SCAPER: variants seen among roughly 807,000 people sequenced by gnomAD.
The protein encoded by SCAPER is S phase cyclin A-associated protein in the endoplasmic reticulum.
SCAPER carries 98 observed loss-of-function variants against 182.2 expected under a neutral mutation model. That is an observed-to-expected ratio of 0.54 (90% CI 0.46 to 0.64). SCAPER has a LOEUF of 0.64. Among genes scored for constraint, SCAPER ranks in the 30% least tolerant of loss-of-function variants. SCAPER has a pLI of 0.00. For synonymous variants in SCAPER, 605 were observed against 564.6 expected (o/e 1.07, Z -1.01); for missense variants, 1,432 against 1,690.0 (o/e 0.85, Z 2.68).
At chr15:76,586,349 A>G (rs148656884) in intron 22 of SCAPER, among the ~76,000 whole-genome samples, 6 of 152,282 alleles carry the variant, frequency 3.9e-5, no homozygotes, top group Non-Finnish European at 8.8e-5. Flanking sequence ...CTAAATTTAG[A>G]GCTATTTTGA....
intron 27 of SCAPER, among the ~76,000 whole-genome samples, chr15:76,388,240 A>G (rs559390350): frequency 6.6e-6 from 1 of 152,222 alleles, no homozygotes; most frequent in Admixed American, 6.5e-5. Context: ...AGAAGTATTT[A>G]TTTATGACCC....
At chr15:76,856,982 G>A (rs917208496) in intron 4 of SCAPER, among the ~76,000 whole-genome samples, 1 of 152,138 alleles carries the variant, frequency 6.6e-6, no homozygotes, top group Non-Finnish European at 1.5e-5. Flanking sequence ...GGCTTGTGTT[G>A]TCCAAAATTT....
intron 17 of SCAPER, 124 bp downstream of exon 17, chr15:76,728,471 T>A: frequency 7.8e-7 from 1 of 1,289,492 alleles, no homozygotes; most frequent in Non-Finnish European, 1.1e-6. Flanking sequence ...GAGTTCAAGA[T>A]CAACCTGGGG....
chr15:76,465,450 A>T (rs552900322), intron 25 of SCAPER, among the ~76,000 whole-genome samples: 20 of 152,290 alleles, frequency 1.3e-4, no homozygotes, highest in Non-Finnish European at 2.5e-4. Flanking sequence ...AATTCTGGGG[A>T]TACAAACATT....
chr15:76,829,349 T>C (rs1310496536), intron 5 of SCAPER, among the ~76,000 whole-genome samples: 3 of 152,144 alleles, frequency 2.0e-5, no homozygotes, highest in African/African-American at 7.2e-5. Context: ...CATAACACTA[T>C]TGACAGATCA....
intron 17 of SCAPER, among the ~76,000 whole-genome samples, chr15:76,723,517 T>C (rs536965176): frequency 6.6e-6 from 1 of 152,306 alleles, no homozygotes; most frequent in Admixed American, 6.5e-5. Flanking sequence ...ATCTGTCTAA[T>C]GTTGACAGTG....
At chr15:76,809,419 A>G (rs2066426452) in intron 5 of SCAPER, among the ~76,000 whole-genome samples, 2 of 152,154 alleles carry the variant, frequency 1.3e-5, no homozygotes, top group Admixed American at 1.3e-4. Context: ...AGAAAATACA[A>G]AAAGTACCAA....
intron 23 of SCAPER, among the ~76,000 whole-genome samples, chr15:76,536,463 G>C (rs1451321838): frequency 1.3e-5 from 2 of 152,224 alleles, no homozygotes; most frequent in Non-Finnish European, 2.9e-5. Flanking sequence ...TTTTAAAAAT[G>C]AGGACAGCAT....
At chr15:76,578,490 AAGCAGCT>A (rs1316336087) in intron 22 of SCAPER, among the ~76,000 whole-genome samples, 1 of 152,192 alleles carries the variant, frequency 6.6e-6, no homozygotes, top group African/African-American at 2.4e-5. Flanking sequence ...ATCCAGCTGC[AAGCAGCT>A]CAGCACAGAG....
At position 76,654,894 on chromosome 15, in the gene SCAPER, C is replaced by T. The variant is rs114551639; in HGVS notation, c.2645+10759G>A. ...CAAACCTCCAAGGGCAGCAAAGAAG[C>T]TAAAAGGAAAAAGGATAGCAACTTC... On this transcript the variant is annotated intron_variant, in intron 21 of 31. Coordinates refer to ENST00000563290, the MANE Select transcript of SCAPER (RefSeq NM_020843.4). 4.0e-3 allele frequency among the ~76,000 whole-genome samples: 607 copies of T among 152,220 alleles called. 6 individuals are homozygous for T. The highest frequency in any genetic ancestry group is 0.012 in the African/African-American group (518 of 41,534).
Position 76,508,183 on chromosome 15 carries a change from T to C in SCAPER, c.2839-3209A>G, listed in dbSNP as rs1460646331. On this transcript the variant is annotated intron_variant, in intron 23 of 31. Transcript: ENST00000563290. ...CTATACCACACTTTACCCAACTGTG[T>C]CTAGCTTTTTTTGGTTGATTGCTTA... 2.0e-5 allele frequency among the ~76,000 whole-genome samples: 3 copies of C among 152,202 alleles called. No homozygotes were observed. The South Asian group carries it at 6.2e-4, about 31-fold the overall frequency.
intron 8 of SCAPER, among the ~76,000 whole-genome samples, chr15:76,777,254 T>G (rs1475420276): frequency 1.3e-5 from 2 of 152,198 alleles, no homozygotes; most frequent in Non-Finnish European, 2.9e-5. Flanking sequence ...TTGTGAATTT[T>G]ATTAATATAT....
intron 26 of SCAPER, among the ~76,000 whole-genome samples, chr15:76,425,961 C>T (rs972934011): frequency 2.6e-5 from 4 of 152,204 alleles, no homozygotes; most frequent in South Asian, 2.1e-4. Context: ...GCTGCCTGAT[C>T]GTTCTTCTGG....
In SCAPER at chr15:76,649,700, A is replaced by AT. The variant is rs942710918; in HGVS notation, c.2645+15952dup. ...CTGCTGATCAGAAACAACCAAAGCC[A>AT]TTAAAAAAACACAATAACATGTTTA... On this transcript the variant is annotated intron_variant, in intron 21 of 31. Transcript: ENST00000563290. 2.9e-5 allele frequency among the ~76,000 whole-genome samples: 4 copies of AT among 136,596 alleles called. No homozygotes were observed. The Admixed American group carries it at 3.0e-4, about 10-fold the overall frequency. 89.6% of individuals were successfully genotyped at this position (136,596 alleles called of 152,430 possible).
rs111542760 is a variant in SCAPER, at chr15:76,368,544, C to CT, written c.3855+7617dup. Among the ~76,000 whole-genome samples, 1,264 of 152,366 alleles carry CT rather than the reference C, an allele frequency of 8.3e-3. 17 individuals are homozygous for CT. Among genetic ancestry groups the CT allele is most frequent in the African/African-American group, 0.029 (1,204 of 41,582 alleles). ...AAGTTTCACGAGCTTCGCTGTCCAACTTACTTGCCTGTTCTGATCCGCCCA... is the reference window on the plus strand; with the variant it reads ...AAGTTTCACGAGCTTCGCTGTCCAACTTTACTTGCCTGTTCTGATCCGCCCA... On this transcript the variant is annotated intron_variant, in intron 29 of 31. Transcript: ENST00000563290.
At chr15:76,604,969 C>T (rs2050248495) in intron 22 of SCAPER, among the ~76,000 whole-genome samples, 1 of 152,156 alleles carries the variant, frequency 6.6e-6, no homozygotes, top group African/African-American at 2.4e-5. Context: ...ATGTCATCTG[C>T]AAACAGGGAC....
rs867416156 is a variant in SCAPER, at chr15:76,546,923, T to G, written c.2838+27235A>C. On this transcript the variant is annotated intron_variant, in intron 23 of 31. Transcript: ENST00000563290. ...TCTATTCTGTGACAATGCTACAAAC[T>G]TATCCCCTTCCTTTCTGCCATTTTT... 9.2e-5 allele frequency among the ~76,000 whole-genome samples: 14 copies of G among 152,256 alleles called. No individual in the cohort carries two copies. In the Middle Eastern group the frequency reaches 0.01, roughly 111 times the overall value.
chr15:76,832,758 G>A (rs576502052), intron 5 of SCAPER, among the ~76,000 whole-genome samples: 3 of 152,148 alleles, frequency 2.0e-5, no homozygotes, highest in East Asian at 1.9e-4. Flanking sequence ...CCTCCCCCTC[G>A]CTCTTGGTCC....
intron 2 of SCAPER, among the ~76,000 whole-genome samples, chr15:76,875,135 T>C (rs2073047131): frequency 6.6e-6 from 1 of 152,194 alleles, no homozygotes; most frequent in Admixed American, 6.5e-5. Context: ...AGAAAATCTA[T>C]GACCAGATGG....
Sources: allele counts gnomAD v4.1 joint callset (sites outside exome capture counted in the v4.1 genomes callset), GRCh38; gene constraint gnomAD v4.1.1; transcripts MANE v1.5; gene names NCBI Gene and HGNC (gene_info 2026-07-23, HGNC 2026-07-21).